CNTLN: variants seen among roughly 807,000 people sequenced by gnomAD.
CNTLN encodes centlein.
A neutral mutation model predicts 180.0 loss-of-function variants in CNTLN; 212 were observed. The observed-to-expected ratio is 1.18, with a 90% CI of 1.05 to 1.32. The LOEUF is 1.32. Among genes scored for constraint, CNTLN ranks in the 40% most tolerant of loss-of-function variants. The pLI is 0.00. For missense variants in CNTLN, 2,095 were observed against 1,610.9 expected, an observed-to-expected ratio of 1.30 and a Z score of -5.14; for synonymous variants, 722 against 563.1, an observed-to-expected ratio of 1.28 and a Z score of -3.99.
chr9:17,165,199 G>A (rs533871456), intron 2 of CNTLN, among the ~76,000 whole-genome samples: 3 of 152,176 alleles, frequency 2.0e-5, no homozygotes, highest in Admixed American at 2.0e-4. Context: ...TTGATCCCAT[G>A]TATTGAGAGA....
chr9:17,283,767 C>G (rs1013603277), intron 6 of CNTLN, among the ~76,000 whole-genome samples: 3 of 152,082 alleles, frequency 2.0e-5, no homozygotes, highest in African/African-American at 7.2e-5. Flanking sequence ...GAGGTATGTT[C>G]CATCAATACC....
At chr9:17,487,286 A>T in intron 25 of CNTLN, 1 of 508,182 alleles carries the variant, frequency 2.0e-6, no homozygotes, top group South Asian at 2.4e-5. Context: ...CATGGGTCTT[A>T]GCAAATGCAT....
Position 17,416,180 on chromosome 9 carries a change from G to T in CNTLN, c.3105G>T (p.Gln1035His). 6.2e-7 allele frequency: 1 copy of T among 1,611,550 alleles called. No homozygotes were observed. Among genetic ancestry groups the T allele is most frequent in the Non-Finnish European group, 8.5e-7 (1 of 1,178,932 alleles). ...ATCAACGATTTCAGACAAGCAGGCA[G>T]ACAATAAAGGTAAAGAGAACTTTAA... is the stretch of plus-strand genomic sequence containing the variant. ...VSDQRFQTSR[Q>H]TIKKLNLDLA... is the part of the protein sequence containing the mutation. The change falls in exon 18 of 26, where the codon CAG becomes CAT. Residue 1035 changes from glutamine (Q) to histidine (H), a missense_variant. Physicochemically the swap from Gln to His is conservative, Grantham distance 24. Transcript: ENST00000380647.
intron 13 of CNTLN, 46 bp downstream of exon 13, chr9:17,366,763 G>T (rs186793255): frequency 9.5e-7 from 1 of 1,048,626 alleles, no homozygotes; most frequent in African/African-American, 1.6e-5. Flanking sequence ...TTTTAAAATT[G>T]TGTAATTCTT....
intron 5 of CNTLN, among the ~76,000 whole-genome samples, chr9:17,272,842 G>A (rs16935425): frequency 0.013 from 2,017 of 152,086 alleles, 46 homozygotes; most frequent in African/African-American, 0.047. Context: ...CTCTGTATAT[G>A]TTGGGCACAA....
At chr9:17,408,128 CAAAAA>C (rs34374959) in intron 15 of CNTLN, among the ~76,000 whole-genome samples, 7 of 59,072 alleles carry the variant, frequency 1.2e-4, no homozygotes, top group South Asian at 1.3e-3. Flanking sequence ...GACTCTGTCT[CAAAAA>C]AAAAAAAAAA....
chr9:17,177,979 C>T (rs1172813403), intron 2 of CNTLN, among the ~76,000 whole-genome samples: 1 of 151,878 alleles, frequency 6.6e-6, no homozygotes, highest in Non-Finnish European at 1.5e-5. Context: ...CTGAGCTAGA[C>T]ACAAAAGTTC....
chr9:17,351,299 C>G (rs1822340530), intron 12 of CNTLN, among the ~76,000 whole-genome samples: 1 of 152,192 alleles, frequency 6.6e-6, no homozygotes, highest in Admixed American at 6.5e-5. Flanking sequence ...TCTATCATCC[C>G]ATGATTTTAG....
At position 17,487,058 on chromosome 9, in the gene CNTLN, GA is replaced by G; in HGVS notation, c.4113del (p.Gly1372AspfsTer10). ...EWMLYIQKLL[E>X]GQLPFASYLL... ...GATGTTGTACATTCAGAAACTTCTTGAAGGACAGGTATTTCATTTTTCTGTT... is the reference window on the plus strand; with the variant it reads ...GATGTTGTACATTCAGAAACTTCTTGAGGACAGGTATTTCATTTTTCTGTT... On this transcript the variant is annotated frameshift_variant, in exon 25 of 26. Transcript: ENST00000380647. LOFTEE classifies it high-confidence loss of function. 6.2e-7 allele frequency: 1 copy of G among 1,601,082 alleles called. No individual in the cohort carries two copies. Among genetic ancestry groups the G allele is most frequent in the Non-Finnish European group, 8.5e-7 (1 of 1,170,556 alleles).
intron 6 of CNTLN, among the ~76,000 whole-genome samples, chr9:17,292,770 A>G (rs1362358475): frequency 1.3e-5 from 2 of 152,032 alleles, no homozygotes; most frequent in Admixed American, 1.3e-4. Flanking sequence ...AGCTAAGTTC[A>G]TTGTTACCCA....
At chr9:17,203,801 C>T (rs1370698925) in intron 2 of CNTLN, among the ~76,000 whole-genome samples, 5 of 152,222 alleles carry the variant, frequency 3.3e-5, no homozygotes, top group Non-Finnish European at 7.3e-5. Flanking sequence ...TCGTGATCCA[C>T]CCGCCTCGGC....
At chr9:17,472,978 A>T (rs1246718761) in intron 23 of CNTLN, among the ~76,000 whole-genome samples, 1 of 152,040 alleles carries the variant, frequency 6.6e-6, no homozygotes, top group African/African-American at 2.4e-5. Context: ...TCTGTGTTGT[A>T]TCATCGTCAC....
chr9:17,504,049 A>G (rs1833877894), downstream of CNTLN: 1 of 152,356 alleles, frequency 6.6e-6, no homozygotes. Context: ...ACAATGACAC[A>G]GTTACAACTT....
intron 3 of CNTLN, among the ~76,000 whole-genome samples, chr9:17,229,084 G>A (rs891191253): frequency 3.9e-5 from 6 of 151,982 alleles, no homozygotes; most frequent in African/African-American, 1.5e-4. Context: ...TTGAGAACAA[G>A]ATATTTACTG....
intron 15 of CNTLN, among the ~76,000 whole-genome samples, chr9:17,407,653 T>C (rs1048106798): frequency 2.0e-5 from 3 of 152,204 alleles, no homozygotes; most frequent in Admixed American, 1.3e-4. Context: ...TGAAATACTT[T>C]AGGTGGTTTT....
Position 17,384,300 on chromosome 9 carries a change from A to AT in CNTLN, c.1988-3862_1988-3861insT, listed in dbSNP as rs1825513742. On this transcript the variant is annotated intron_variant, in intron 13 of 25. Transcript: ENST00000380647. The stretch of plus-strand genomic sequence containing the variant: ...TACAATAAATAAAATGAAAAAAAAA[A>AT]AACTACTTATCCTTCTGTTTTCCTA... 3.3e-5 allele frequency among the ~76,000 whole-genome samples: 5 copies of AT among 151,770 alleles called. No individual in the cohort carries two copies. The South Asian group carries it at 1.0e-3, about 32-fold the overall frequency.
chr9:17,264,121 G>A lies in CNTLN; in HGVS notation c.850-9612G>A, dbSNP rs1218035478. Among the ~76,000 whole-genome samples the A allele has an allele frequency of 2.1e-5, 3 of 143,572 alleles. 1 individual carries two copies. Among genetic ancestry groups the A allele is most frequent in the Admixed American group, 6.9e-5 (1 of 14,588 alleles). The allele number at this position is 143,572 out of a possible 152,430, so 94.2% of individuals were successfully genotyped here. ...TTTCAGACATGAAGTCCTGGCCCAT[G>A]CCTATGTCCTGAATGGTATTGCCTA... On this transcript the variant is annotated intron_variant, in intron 5 of 25. Transcript: ENST00000380647.
At chr9:17,354,067 C>T (rs1217368091) in intron 12 of CNTLN, among the ~76,000 whole-genome samples, 1 of 152,238 alleles carries the variant, frequency 6.6e-6, no homozygotes, top group African/African-American at 2.4e-5. Flanking sequence ...CAATGAGGGA[C>T]TTAGCACCCG....
At chr9:17,288,573 C>G (rs546906197) in intron 6 of CNTLN, among the ~76,000 whole-genome samples, 1 of 127,810 alleles carries the variant, frequency 7.8e-6, no homozygotes, top group South Asian at 3.3e-4. Flanking sequence ...TGTTGACTTT[C>G]TGTCTCGTTG....
Sources: allele counts gnomAD v4.1 joint callset (sites outside exome capture counted in the v4.1 genomes callset), GRCh38; gene constraint gnomAD v4.1.1; transcripts MANE v1.5; gene names NCBI Gene and HGNC (gene_info 2026-07-23, HGNC 2026-07-21).